The following POLA1 variants were observed in gnomAD, a reference collection of about 807,000 sequenced individuals.
POLA1 encodes DNA polymerase alpha catalytic subunit.
Under a neutral mutation model 124.0 loss-of-function variants are expected in POLA1, and 15 were observed. The ratio of observed to expected loss-of-function variants is 0.12; its 90% CI spans 0.08 to 0.19. The LOEUF is 0.19. Ranked by LOEUF, POLA1 falls within the 10% of genes least tolerant of loss-of-function variation. POLA1 has a pLI of 1.00. For missense variants in POLA1, 886 were observed against 1,103.4 expected (o/e 0.80, Z 2.79); for synonymous variants, 408 against 389.4 (o/e 1.05, Z -0.56).
rs925714177 is a variant in POLA1, at chrX:24,951,354, C to T, written c.4261+20805C>T. ...TTAAACACCTCCCTACCCCCCCCCCCCCCCACCAAATGCAGACGAGGATAT... is the reference window on the plus strand; with the variant it reads ...TTAAACACCTCCCTACCCCCCCCCCTCCCCACCAAATGCAGACGAGGATAT... On this transcript the variant is annotated intron_variant, in intron 36 of 36. Transcript: ENST00000379068. Among the ~76,000 whole-genome samples the T allele has an allele frequency of 3.8e-4, 31 of 81,322 alleles. 1 individual carries two copies. Among genetic ancestry groups the T allele is most frequent in the African/African-American group, 1.3e-3 (31 of 23,613 alleles). The allele number at this position is 81,322 out of a possible 115,157, so 70.6% of individuals were successfully genotyped here. A position where few individuals can be genotyped will look rare whatever the true frequency, so the allele number is the denominator to read the frequency against.
chrX:24,851,074 A>G (rs1420975601), intron 34 of POLA1, among the ~76,000 whole-genome samples: 1 of 112,224 alleles, frequency 8.9e-6, no homozygotes, highest in African/African-American at 3.2e-5. Flanking sequence ...TCAGTTTGCC[A>G]GTAAAGTAGT....
At chrX:24,978,313 T>C (rs1462416112) in intron 36 of POLA1, among the ~76,000 whole-genome samples, 1 of 112,183 alleles carries the variant, frequency 8.9e-6, no homozygotes, top group Non-Finnish European at 1.9e-5. Context: ...CTGTGTGTAC[T>C]ATCCTTTGAA....
intron 26 of POLA1, among the ~76,000 whole-genome samples, chrX:24,794,340 C>G (rs769179162): frequency 8.9e-6 from 1 of 112,201 alleles, no homozygotes; most frequent in African/African-American, 3.2e-5. Context: ...TGATTTTTCT[C>G]TTTGTTAGAA....
At chrX:24,890,967 A>G (rs887115370) in intron 35 of POLA1, among the ~76,000 whole-genome samples, 1 of 112,070 alleles carries the variant, frequency 8.9e-6, no homozygotes, top group African/African-American at 3.2e-5. Context: ...TTAAATATCT[A>G]ACTCATCAAG....
At chrX:24,876,491 G>C (rs1448916952) in intron 34 of POLA1, among the ~76,000 whole-genome samples, 1 of 110,909 alleles carries the variant, frequency 9.0e-6, no homozygotes, top group Admixed American at 9.6e-5. Flanking sequence ...TGGGCCTGGG[G>C]TGTCCAAAAG....
intron 26 of POLA1, among the ~76,000 whole-genome samples, chrX:24,807,268 C>G (rs956585402): frequency 1.1e-4 from 12 of 112,002 alleles, no homozygotes; most frequent in Non-Finnish European, 1.7e-4. Context: ...ACAAACTGCT[C>G]CTCAGGTATT....
At chrX:24,970,558 C>G (rs2048290141) in intron 36 of POLA1, among the ~76,000 whole-genome samples, 1 of 111,076 alleles carries the variant, frequency 9.0e-6, no homozygotes, top group Non-Finnish European at 1.9e-5. Flanking sequence ...ATCTATCCAT[C>G]TGACAAAGGT....
chrX:24,823,739 C>T (rs1246399630), intron 31 of POLA1, among the ~76,000 whole-genome samples: 2 of 112,378 alleles, frequency 1.8e-5, no homozygotes, highest in East Asian at 5.6e-4. Flanking sequence ...TGTTTGCTGC[C>T]TTAAGCAAGG....
rs1365294783 is a variant in POLA1, at chrX:24,965,383, ATAGAGT to A, written c.4262-30419_4262-30414del. 4.5e-5 allele frequency among the ~76,000 whole-genome samples: 5 copies of A among 112,318 alleles called. No individual in the cohort carries two copies. The East Asian group carries it at 1.1e-3, about 25-fold the overall frequency. On this transcript the variant is annotated intron_variant, in intron 36 of 36. Transcript: ENST00000379068. ...ATCTGGCTTCTTCTGTGGTCTCCAG[ATAGAGT>A]TAAACACTTCCTCACATAGCTCCTT...
At chrX:24,706,168 A>G (rs774983542) in intron 4 of POLA1, among the ~76,000 whole-genome samples, 2 of 112,209 alleles carry the variant, frequency 1.8e-5, no homozygotes, top group Non-Finnish European at 3.8e-5. Context: ...TTTCTAAAAG[A>G]TTTACTGTTC....
chrX:24,795,508 T>A (rs1254682515), intron 26 of POLA1, among the ~76,000 whole-genome samples: 1 of 111,517 alleles, frequency 9.0e-6, no homozygotes, highest in African/African-American at 3.3e-5. Context: ...AAATGCTGGC[T>A]CTTTTGCAGC....
chrX:24,851,331 T>C (rs781736038), intron 34 of POLA1, among the ~76,000 whole-genome samples: 10 of 112,559 alleles, frequency 8.9e-5, no homozygotes, highest in Non-Finnish European at 9.4e-5. Flanking sequence ...AGGTCACACA[T>C]AGTAGCATCA....
intron 26 of POLA1, among the ~76,000 whole-genome samples, chrX:24,795,662 ATTTTTTTT>A (rs35044901): frequency 1.1e-5 from 1 of 94,160 alleles, no homozygotes; most frequent in Non-Finnish European, 2.2e-5. Context: ...AGAAAGAAAG[ATTTTTTTT>A]TTTTTTTTTT....
chrX:24,739,607 C>A, intron 20 of POLA1, 57 bp downstream of exon 20: 1 of 726,805 alleles, frequency 1.4e-6, no homozygotes, highest in Non-Finnish European at 2.1e-6. Flanking sequence ...CAGCAGGACA[C>A]TACTAGTACT....
intron 26 of POLA1, among the ~76,000 whole-genome samples, chrX:24,788,134 G>A (rs1322688611): frequency 9.0e-6 from 1 of 111,640 alleles, no homozygotes; most frequent in Non-Finnish European, 1.9e-5. Context: ...CTCAATAGAT[G>A]CAGAAAAAGC....
At chrX:24,727,312 C>T (rs1297123443) in intron 14 of POLA1, among the ~76,000 whole-genome samples, 1 of 111,134 alleles carries the variant, frequency 9.0e-6, no homozygotes, top group African/African-American at 3.3e-5. Context: ...TGCTGTTATT[C>T]ATATGTACTT....
At chrX:24,709,418 C>G (rs1450767840) in intron 4 of POLA1, among the ~76,000 whole-genome samples, 1 of 60,029 alleles carries the variant, frequency 1.7e-5, no homozygotes, top group Non-Finnish European at 3.3e-5. Flanking sequence ...TCCCGGACGG[C>G]ACGGCTGGCC....
At chrX:24,975,667 C>T (rs757594997) in intron 36 of POLA1, among the ~76,000 whole-genome samples, 1 of 111,904 alleles carries the variant, frequency 8.9e-6, no homozygotes, top group Non-Finnish European at 1.9e-5. Flanking sequence ...CGTATGATTT[C>T]GAAAAAAGTT....
At chrX:24,956,823 A>G (rs1397011571) in intron 36 of POLA1, among the ~76,000 whole-genome samples, 2 of 112,436 alleles carry the variant, frequency 1.8e-5, no homozygotes, top group African/African-American at 6.5e-5. Flanking sequence ...ATATTTTTGA[A>G]TACCTGTTAC....
Sources: allele counts gnomAD v4.1 joint callset (sites outside exome capture counted in the v4.1 genomes callset), GRCh38; gene constraint gnomAD v4.1.1; transcripts MANE v1.5; gene names NCBI Gene and HGNC (gene_info 2026-07-23, HGNC 2026-07-21).